The following FBXW10B variants were observed in gnomAD, a reference collection of about 807,000 sequenced individuals.
FBXW10B encodes F-box and WD repeat domain containing protein 10B.
chr17:15,608,202 C>A, the FBXW10B span, among the ~76,000 whole-genome samples: 1 of 144,274 alleles, frequency 6.9e-6, no homozygotes, highest in Non-Finnish European at 1.5e-5. Context: ...CGCTCTGTCA[C>A]CAGGCTGGAG....
At chr17:15,611,221 A>G in the FBXW10B span, among the ~76,000 whole-genome samples, 1 of 151,908 alleles carries the variant, frequency 6.6e-6, no homozygotes, top group Non-Finnish European at 1.5e-5. Flanking sequence ...ACAGGGTTTC[A>G]CTATGTTGGC....
the FBXW10B span, among the ~76,000 whole-genome samples, chr17:15,592,787 C>G: frequency 2.8e-3 from 420 of 151,748 alleles, 1 homozygote; most frequent in African/African-American, 9.8e-3. Flanking sequence ...CACTGCAATT[C>G]CCACAAACAC....
chr17:15,615,068 A>G, the FBXW10B span, among the ~76,000 whole-genome samples: 6 of 152,140 alleles, frequency 3.9e-5, no homozygotes, highest in Non-Finnish European at 7.3e-5. Flanking sequence ...CTATTTTCAG[A>G]TGTGTCTTGT....
At chr17:15,608,466 T>C in the FBXW10B span, among the ~76,000 whole-genome samples, 1 of 151,290 alleles carries the variant, frequency 6.6e-6, no homozygotes, top group Non-Finnish European at 1.5e-5. Context: ...GGCTGCAATT[T>C]TTTTAAGACG....
the FBXW10B span, among the ~76,000 whole-genome samples, chr17:15,581,429 G>C: frequency 6.6e-6 from 1 of 152,150 alleles, no homozygotes; most frequent in African/African-American, 2.4e-5. Context: ...TGCCCTTTAA[G>C]TACTTTTAAT....
At chr17:15,594,144 T>C in the FBXW10B span, among the ~76,000 whole-genome samples, 5 of 152,158 alleles carry the variant, frequency 3.3e-5, no homozygotes. Flanking sequence ...ACAATAGTCA[T>C]GCTGAGAATT....
At chr17:15,593,298 G>A in the FBXW10B span, 193,742 of 1,609,724 alleles carry the variant, frequency 0.12, 12,195 homozygotes, top group East Asian at 0.15. Flanking sequence ...AAATCCAACA[G>A]AATCACTCAC....
the FBXW10B span, among the ~76,000 whole-genome samples, chr17:15,569,513 A>T: frequency 1.5e-5 from 2 of 135,322 alleles, 1 homozygote; most frequent in Non-Finnish European, 3.1e-5. Flanking sequence ...TTAGGCTGGA[A>T]TGCAGTGGCA....
At chr17:15,595,932 T>TTTTG in the FBXW10B span, among the ~76,000 whole-genome samples, 1 of 151,142 alleles carries the variant, frequency 6.6e-6, no homozygotes. Flanking sequence ...TTTTTTTTTT[T>TTTTG]GAGACGCATG....
the FBXW10B span, among the ~76,000 whole-genome samples, chr17:15,601,057 A>AAAAAAAAC: frequency 6.9e-6 from 1 of 143,946 alleles, no homozygotes; most frequent in African/African-American, 2.7e-5. Context: ...CTCAAAAAAA[A>AAAAAAAAC]AAAAAAAAAA....
chr17:15,571,178 T>G, the FBXW10B span, among the ~76,000 whole-genome samples: 2 of 152,116 alleles, frequency 1.3e-5, no homozygotes, highest in Non-Finnish European at 2.9e-5. Context: ...AGACCTCATC[T>G]TTACAAAATT....
At chr17:15,602,036 C>T in the FBXW10B span, among the ~76,000 whole-genome samples, 123 of 150,958 alleles carry the variant, frequency 8.1e-4, no homozygotes, top group African/African-American at 2.7e-3. Flanking sequence ...GGCATGATCA[C>T]GGAAGGCGGA....
At chr17:15,619,512 T>A in the FBXW10B span, 1 of 1,612,074 alleles carries the variant, frequency 6.2e-7, no homozygotes, top group Admixed American at 1.7e-5. Context: ...AGGTTTTCCA[T>A]GATCCTAAGA....
the FBXW10B span, among the ~76,000 whole-genome samples, chr17:15,584,548 C>T: frequency 1.1e-4 from 17 of 152,152 alleles, no homozygotes; most frequent in Non-Finnish European, 4.4e-5. Flanking sequence ...TGAAACATAA[C>T]AGGAAAATAA....
At chr17:15,602,652 G>C in the FBXW10B span, among the ~76,000 whole-genome samples, 1 of 88,494 alleles carries the variant, frequency 1.1e-5, no homozygotes, top group Non-Finnish European at 1.9e-5. Flanking sequence ...TTTTTGAGAC[G>C]GAGTCTCGCT....
the FBXW10B span, among the ~76,000 whole-genome samples, chr17:15,585,847 C>T: frequency 6.6e-6 from 1 of 152,214 alleles, no homozygotes; most frequent in Non-Finnish European, 1.5e-5. Flanking sequence ...GACTGGACCA[C>T]TCCCACCTCT....
chr17:15,602,111 T>TAA, the FBXW10B span, among the ~76,000 whole-genome samples: 7 of 131,466 alleles, frequency 5.3e-5, no homozygotes, highest in African/African-American at 8.3e-5. Context: ...GACTCCGTCT[T>TAA]AAAAAAAAAA....
the FBXW10B span, chr17:15,615,628 G>A: frequency 1.2e-6 from 2 of 1,613,626 alleles, no homozygotes; most frequent in Middle Eastern, 1.7e-4. Flanking sequence ...TGGCTTTCTT[G>A]CTGAAAGTTC....
the FBXW10B span, among the ~76,000 whole-genome samples, chr17:15,616,357 A>G: frequency 1.9e-4 from 29 of 151,532 alleles, no homozygotes; most frequent in African/African-American, 7.0e-4. Context: ...TTTAGTACAG[A>G]TGGGGTTTCG....
Sources: allele counts gnomAD v4.1 joint callset (sites outside exome capture counted in the v4.1 genomes callset), GRCh38; gene constraint gnomAD v4.1.1; transcripts MANE v1.5; gene names NCBI Gene and HGNC (gene_info 2026-07-23, HGNC 2026-07-21).